Variants in PHLPP1 observed in about 807,000 individuals in gnomAD.
PHLPP1 encodes PH domain leucine-rich repeat-containing protein phosphatase 1.
A neutral mutation model predicts 117.2 loss-of-function variants in PHLPP1; 42 were observed. That is an observed-to-expected ratio of 0.36 (90% CI 0.28 to 0.46). The LOEUF is 0.46. Among genes scored for constraint, PHLPP1 ranks in the 20% least tolerant of loss-of-function variants. The pLI is 1.00. For synonymous variants in PHLPP1, 1,042 were observed against 970.7 expected, an observed-to-expected ratio of 1.07 and a Z score of -1.37; for missense variants, 2,084 against 2,241.9, an observed-to-expected ratio of 0.93 and a Z score of 1.42.
intron 2 of PHLPP1, among the ~76,000 whole-genome samples, chr18:62,832,774 TAAAG>T (rs1211742052): frequency 6.6e-6 from 1 of 152,222 alleles, no homozygotes; most frequent in Non-Finnish European, 1.5e-5. Context: ...GTTCTATTGT[TAAAG>T]AAAAAACTGA....
At chr18:62,882,270 A>T (rs1183574636) in intron 4 of PHLPP1, among the ~76,000 whole-genome samples, 12 of 137,786 alleles carry the variant, frequency 8.7e-5, no homozygotes, top group South Asian at 2.3e-4. Context: ...TCACTTAACT[A>T]TTTTTTTTTT....
intron 1 of PHLPP1, among the ~76,000 whole-genome samples, chr18:62,794,970 G>T (rs1913581403): frequency 6.6e-6 from 1 of 152,018 alleles, no homozygotes; most frequent in Non-Finnish European, 1.5e-5. Flanking sequence ...GAAAAAAGTG[G>T]GCTGACACTG....
chr18:62,840,871 G>A (rs1431330264), intron 3 of PHLPP1, among the ~76,000 whole-genome samples: 1 of 152,118 alleles, frequency 6.6e-6, no homozygotes, highest in Non-Finnish European at 1.5e-5. Flanking sequence ...ACTTAACTCT[G>A]AACTAACCTG....
In PHLPP1 at chr18:62,952,841, C is replaced by T. The variant is rs576681713; in HGVS notation, c.3325-5788C>T. On this transcript the variant is annotated intron_variant, in intron 12 of 16. Coordinates refer to ENST00000262719, the MANE Select transcript of PHLPP1 (RefSeq NM_194449.4). Reference sequence around the variant, plus strand: ...CTTGCTATATTACCCAGGTGGATCTCGAACTCCTGGCCTCAAGCAATCCTT... The same window carrying T: ...CTTGCTATATTACCCAGGTGGATCTTGAACTCCTGGCCTCAAGCAATCCTT... Among the ~76,000 whole-genome samples the T allele has an allele frequency of 5.3e-5, 8 of 152,194 alleles. No individual in the cohort carries two copies. The South Asian group carries it at 1.5e-3, about 28-fold the overall frequency.
intron 14 of PHLPP1, among the ~76,000 whole-genome samples, chr18:62,971,667 C>T (rs1911051463): frequency 7.4e-6 from 1 of 135,364 alleles, no homozygotes; most frequent in African/African-American, 2.5e-5. Flanking sequence ...GGGAAGCAGG[C>T]TCTCTCCAGG....
chr18:62,877,782 G>A (rs952499891), intron 4 of PHLPP1, among the ~76,000 whole-genome samples: 1 of 152,170 alleles, frequency 6.6e-6, no homozygotes, highest in African/African-American at 2.4e-5. Flanking sequence ...TTGGGGCTCC[G>A]TGATTATATA....
At chr18:62,850,893 T>C (rs995217721) in intron 3 of PHLPP1, among the ~76,000 whole-genome samples, 1 of 152,208 alleles carries the variant, frequency 6.6e-6, no homozygotes, top group Non-Finnish European at 1.5e-5. Flanking sequence ...TGGCTCATTT[T>C]GTCAAGGGAG....
chr18:62,796,681 T>TA (rs1289023055), intron 1 of PHLPP1, among the ~76,000 whole-genome samples: 2 of 152,242 alleles, frequency 1.3e-5, no homozygotes, highest in African/African-American at 4.8e-5. Flanking sequence ...CATAGTCAGG[T>TA]AGGTGCCTTT....
intron 1 of PHLPP1, among the ~76,000 whole-genome samples, chr18:62,829,327 G>A (rs1914692824): frequency 6.6e-6 from 1 of 152,168 alleles, no homozygotes; most frequent in South Asian, 2.1e-4. Context: ...TTTATTAAAT[G>A]TAAGATGTTG....
intron 1 of PHLPP1, among the ~76,000 whole-genome samples, chr18:62,819,868 C>T (rs1284665485): frequency 3.9e-5 from 6 of 152,082 alleles, no homozygotes; most frequent in African/African-American, 7.2e-5. Context: ...AGGCTTTTTT[C>T]GAACTCCTGA....
intron 14 of PHLPP1, among the ~76,000 whole-genome samples, chr18:62,969,332 T>G (rs1360278201): frequency 6.6e-6 from 1 of 152,214 alleles, no homozygotes; most frequent in Non-Finnish European, 1.5e-5. Flanking sequence ...ATATAAGCAT[T>G]TAGAGTTGTA....
intron 3 of PHLPP1, among the ~76,000 whole-genome samples, chr18:62,851,393 A>G (rs957965379): frequency 6.6e-6 from 1 of 152,180 alleles, no homozygotes; most frequent in African/African-American, 2.4e-5. Context: ...CTCATAGCCT[A>G]TCATTTTAAA....
At chr18:62,960,707 A>G (rs778616644) in intron 13 of PHLPP1, among the ~76,000 whole-genome samples, 3 of 152,228 alleles carry the variant, frequency 2.0e-5, no homozygotes, top group Non-Finnish European at 4.4e-5. Flanking sequence ...GGTGCTGCTG[A>G]AGGAGTATAA....
chr18:62,803,956 TA>T (rs1362820045), intron 1 of PHLPP1, among the ~76,000 whole-genome samples: 1 of 152,116 alleles, frequency 6.6e-6, no homozygotes, highest in East Asian at 1.9e-4. Flanking sequence ...ATTGGTTCTA[TA>T]GATATTGGGG....
intron 10 of PHLPP1, among the ~76,000 whole-genome samples, chr18:62,936,070 G>A (rs1909959186): frequency 6.6e-6 from 1 of 152,132 alleles, no homozygotes; most frequent in African/African-American, 2.4e-5. Flanking sequence ...AAGGAATCAG[G>A]TGTCCTTGGA....
intron 1 of PHLPP1, among the ~76,000 whole-genome samples, chr18:62,760,345 C>G (rs796981228): frequency 1.8e-4 from 27 of 152,216 alleles, no homozygotes; most frequent in African/African-American, 6.3e-4. Flanking sequence ...TTGCCTTGGC[C>G]CTGTAGGCAT....
chr18:62,823,590 T>A (rs900005568), intron 1 of PHLPP1, among the ~76,000 whole-genome samples: 69 of 104,718 alleles, frequency 6.6e-4, no homozygotes, highest in African/African-American at 3.9e-3. Flanking sequence ...TATCTACATA[T>A]ATTATATATC....
intron 1 of PHLPP1, among the ~76,000 whole-genome samples, chr18:62,829,029 C>G (rs9947968): frequency 0.019 from 2,885 of 152,262 alleles, 77 homozygotes; most frequent in African/African-American, 0.065. Flanking sequence ...CTAACTAATT[C>G]TGCCAAATTC....
chr18:62,769,724 A>G (rs1912688991), intron 1 of PHLPP1, among the ~76,000 whole-genome samples: 1 of 152,204 alleles, frequency 6.6e-6, no homozygotes, highest in Non-Finnish European at 1.5e-5. Context: ...TAAGCATAGT[A>G]TACCCAAATT....
Sources: allele counts gnomAD v4.1 joint callset (sites outside exome capture counted in the v4.1 genomes callset), GRCh38; gene constraint gnomAD v4.1.1; transcripts MANE v1.5; gene names NCBI Gene and HGNC (gene_info 2026-07-23, HGNC 2026-07-21).